The following RALY variants were observed in gnomAD, a reference collection of about 807,000 sequenced individuals.
RALY encodes RALY heterogeneous nuclear ribonucleoprotein.
RALY carries 15 observed loss-of-function variants against 30.7 expected under a neutral mutation model. That is an observed-to-expected ratio of 0.49 (90% CI 0.33 to 0.75). RALY has a LOEUF of 0.75. Among genes scored for constraint, RALY ranks in the 30% least tolerant of loss-of-function variants. The pLI, the probability that RALY is intolerant of heterozygous loss-of-function variation, is 0.02. For missense variants in RALY, 339 were observed against 414.3 expected (o/e 0.82, Z 1.58); for synonymous variants, 177 against 170.8 (o/e 1.04, Z -0.28).
chr20:34,071,568 A>G (rs1305424098), intron 2 of RALY, among the ~76,000 whole-genome samples: 4 of 152,130 alleles, frequency 2.6e-5, no homozygotes, highest in African/African-American at 7.2e-5. Context: ...GTGAGCCACC[A>G]TGCCCGGCCC....
At chr20:34,043,991 T>A (rs1459174999) in intron 2 of RALY, among the ~76,000 whole-genome samples, 1 of 151,888 alleles carries the variant, frequency 6.6e-6, no homozygotes, top group Non-Finnish European at 1.5e-5. Context: ...ATATTTGAGT[T>A]GGACTTCAAA....
intron 2 of RALY, among the ~76,000 whole-genome samples, chr20:34,045,808 C>T (rs944693753): frequency 6.6e-6 from 1 of 152,144 alleles, no homozygotes; most frequent in Non-Finnish European, 1.5e-5. Context: ...TTAGTTAAAT[C>T]CCTGGTATTA....
intron 2 of RALY, among the ~76,000 whole-genome samples, chr20:34,037,994 T>A (rs1021285075): frequency 6.6e-6 from 1 of 152,172 alleles, no homozygotes; most frequent in African/African-American, 2.4e-5. Context: ...ACCCAAGGAT[T>A]TTGGCCATAT....
intron 4 of RALY, 85 bp from the exon 5 acceptor site, chr20:34,073,734 G>T (rs1236129138): frequency 6.4e-7 from 1 of 1,551,046 alleles, no homozygotes; most frequent in Admixed American, 1.7e-5. Context: ...CTAGAACTTG[G>T]GGAGGTGTCT....
chr20:34,034,574 T>A (rs78368924), intron 2 of RALY, among the ~76,000 whole-genome samples: 1 of 152,252 alleles, frequency 6.6e-6, no homozygotes, highest in African/African-American at 2.4e-5. Flanking sequence ...CATTTATATA[T>A]GATAAGCTAC....
chr20:34,012,684 T>C (rs529243640), intron 1 of RALY, among the ~76,000 whole-genome samples: 1 of 152,320 alleles, frequency 6.6e-6, no homozygotes, highest in East Asian at 1.9e-4. Context: ...ACTAGACATC[T>C]TGAAACTGTC....
intron 1 of RALY, among the ~76,000 whole-genome samples, chr20:34,029,364 G>C (rs1459221665): frequency 1.3e-5 from 2 of 151,996 alleles, no homozygotes; most frequent in East Asian, 3.9e-4. Flanking sequence ...TTGAACCCGG[G>C]GGGCCGGGGG....
intron 2 of RALY, among the ~76,000 whole-genome samples, chr20:34,054,838 G>A (rs1157633266): frequency 6.6e-6 from 1 of 151,240 alleles, no homozygotes; most frequent in African/African-American, 2.4e-5. Flanking sequence ...AAGAAAGAAA[G>A]AAAGAAATTG....
chr20:34,078,912 G>A lies in RALY; in HGVS notation c.*4+359G>A, dbSNP rs189788022. Among the ~76,000 whole-genome samples, 3 of 152,284 alleles carry A rather than the reference G, an allele frequency of 2.0e-5. No individual in the cohort carries two copies. The East Asian group carries it at 5.8e-4, about 29-fold the overall frequency. ...GTGAGCAGGATAACAATAGAGCGAGGCCAGGTCATGGAAGAGATGATGTGT... is the reference window on the plus strand; with the variant it reads ...GTGAGCAGGATAACAATAGAGCGAGACCAGGTCATGGAAGAGATGATGTGT... On this transcript the variant is annotated intron_variant, in intron 9 of 9. Transcript: ENST00000246194.
At chr20:34,074,434 G>A (rs2033816273) in intron 5 of RALY, among the ~76,000 whole-genome samples, 1 of 152,052 alleles carries the variant, frequency 6.6e-6, no homozygotes, top group African/African-American at 2.4e-5. Flanking sequence ...AGAAATCATG[G>A]TAGATACTAA....
intron 2 of RALY, among the ~76,000 whole-genome samples, chr20:34,047,910 T>G (rs987910627): frequency 1.3e-5 from 2 of 152,186 alleles, no homozygotes; most frequent in Admixed American, 1.3e-4. Flanking sequence ...ACCCCACCTT[T>G]GCCCTCAGAA....
intron 1 of RALY, among the ~76,000 whole-genome samples, chr20:34,007,936 C>G (rs1434321881): frequency 4.6e-5 from 7 of 151,522 alleles, no homozygotes; most frequent in South Asian, 2.1e-4. Context: ...ATGAGTAAGA[C>G]TGTCTTCAAG....
chr20:34,015,947 T>G (rs1383757671), intron 1 of RALY, among the ~76,000 whole-genome samples: 2 of 152,132 alleles, frequency 1.3e-5, no homozygotes, highest in Non-Finnish European at 2.9e-5. Flanking sequence ...CCTCCTCCCG[T>G]ATGTGCACAC....
At chr20:34,013,223 C>CT (rs1299494838) in intron 1 of RALY, among the ~76,000 whole-genome samples, 1 of 151,614 alleles carries the variant, frequency 6.6e-6, no homozygotes, top group Non-Finnish European at 1.5e-5. Context: ...GACTTCATCT[C>CT]TTTTTTAAAA....
At chr20:34,032,506 GTGT>G (rs1232005815) in intron 2 of RALY, among the ~76,000 whole-genome samples, 2 of 66,604 alleles carry the variant, frequency 3.0e-5, no homozygotes, top group East Asian at 6.3e-4. Flanking sequence ...CCCTTTTTGT[GTGT>G]TGGGGGGGGT....
intron 2 of RALY, among the ~76,000 whole-genome samples, chr20:34,057,868 A>G (rs1476058306): frequency 6.6e-6 from 1 of 152,156 alleles, no homozygotes; most frequent in African/African-American, 2.4e-5. Flanking sequence ...GTATATGCCT[A>G]ATAGAGAACA....
intron 2 of RALY, among the ~76,000 whole-genome samples, chr20:34,049,429 G>A (rs1256798313): frequency 6.6e-6 from 1 of 152,146 alleles, no homozygotes; most frequent in Admixed American, 6.5e-5. Context: ...CCCTCCCTCA[G>A]AGATCTGTCA....
At chr20:34,037,308 C>T (rs2032533114) in intron 2 of RALY, among the ~76,000 whole-genome samples, 2 of 152,248 alleles carry the variant, frequency 1.3e-5, no homozygotes, top group East Asian at 1.9e-4. Context: ...GTAAGACATA[C>T]GGGGGTGGTG....
chr20:34,069,409 TTCCTGCTCAGTGG>T (rs559263232), intron 2 of RALY, among the ~76,000 whole-genome samples: 111 of 152,270 alleles, frequency 7.3e-4, no homozygotes, highest in African/African-American at 2.5e-3. Context: ...CAGCAAATGC[TTCCTGCTCAGTGG>T]TGCTTGTGGC....
Sources: gnomAD v4.1 joint callset for allele counts (sites outside exome capture counted in the v4.1 genomes callset) on GRCh38, gnomAD v4.1.1 for gene constraint, MANE v1.5 for transcripts, NCBI Gene and HGNC (gene_info 2026-07-23, HGNC 2026-07-21) for gene names.